The following NAV3 variants were observed in gnomAD, a reference collection of about 807,000 sequenced individuals.
NAV3 encodes neuron navigator 3.
Under a neutral mutation model 244.7 loss-of-function variants are expected in NAV3, and 87 were observed. That is an observed-to-expected ratio of 0.36 (90% CI 0.30 to 0.42). NAV3 has a LOEUF of 0.42. NAV3 is among the 20% of genes least tolerant of loss of function. The pLI is 1.00. For missense variants in NAV3, 2,663 were observed against 2,893.3 expected (o/e 0.92, Z 1.83); for synonymous variants, 1,126 against 1,042.2 (o/e 1.08, Z -1.55).
chr12:77,877,883 A>G (rs1359184053), intron 1 of NAV3, among the ~76,000 whole-genome samples: 3 of 152,162 alleles, frequency 2.0e-5, no homozygotes, highest in African/African-American at 4.8e-5. Flanking sequence ...CAAGATCAAT[A>G]TCATCATTTG....
intron 2 of NAV3, among the ~76,000 whole-genome samples, chr12:77,579,101 A>C (rs1203185291): frequency 6.6e-6 from 1 of 152,162 alleles, no homozygotes; most frequent in Non-Finnish European, 1.5e-5. Context: ...TATGTGTATG[A>C]ATGTCTCTAC....
intron 12 of NAV3, among the ~76,000 whole-genome samples, chr12:78,060,848 A>T (rs1402176536): frequency 6.6e-6 from 1 of 152,150 alleles, no homozygotes; most frequent in Non-Finnish European, 1.5e-5. Context: ...CATGGGAGGG[A>T]ATATCTGCTA....
At chr12:77,841,267 C>A (rs140967258) in intron 1 of NAV3, among the ~76,000 whole-genome samples, 9 of 152,102 alleles carry the variant, frequency 5.9e-5, no homozygotes, top group Non-Finnish European at 8.8e-5. Context: ...CCTCCATAAA[C>A]GAAAAGCAAA....
intron 2 of NAV3, among the ~76,000 whole-genome samples, chr12:77,635,480 T>C (rs550766318): frequency 1.3e-5 from 2 of 152,342 alleles, no homozygotes; most frequent in Admixed American, 1.3e-4. Flanking sequence ...CTGAAATCTT[T>C]ATATGTTTTT....
intron 2 of NAV3, among the ~76,000 whole-genome samples, chr12:77,687,867 T>C (rs554007539): frequency 1.3e-5 from 2 of 152,216 alleles, no homozygotes; most frequent in Non-Finnish European, 1.5e-5. Context: ...CATATAGGGA[T>C]TTTAACCTTT....
At chr12:78,051,837 T>C (rs1437824000) in intron 11 of NAV3, among the ~76,000 whole-genome samples, 2 of 152,244 alleles carry the variant, frequency 1.3e-5, no homozygotes, top group African/African-American at 4.8e-5. Flanking sequence ...GCATTTCCTG[T>C]TATGTACTAT....
At chr12:77,611,220 C>T (rs546379038) in intron 2 of NAV3, among the ~76,000 whole-genome samples, 1 of 152,044 alleles carries the variant, frequency 6.6e-6, no homozygotes, top group African/African-American at 2.4e-5. Context: ...GCAAAATCTC[C>T]ATCCTGACAA....
At chr12:77,889,442 A>G (rs1403861769) in intron 1 of NAV3, among the ~76,000 whole-genome samples, 1 of 152,110 alleles carries the variant, frequency 6.6e-6, no homozygotes, top group Non-Finnish European at 1.5e-5. Context: ...CTTCATAATT[A>G]GTTCTGTTTC....
intron 2 of NAV3, among the ~76,000 whole-genome samples, chr12:77,634,836 T>C (rs1205968518): frequency 1.3e-5 from 2 of 152,120 alleles, no homozygotes; most frequent in African/African-American, 2.4e-5. Flanking sequence ...AGGAAAACAA[T>C]GAGAAAATAT....
intron 2 of NAV3, among the ~76,000 whole-genome samples, chr12:77,616,730 GCA>G (rs147977960): frequency 0.029 from 4,310 of 147,436 alleles, 69 homozygotes; most frequent in African/African-American, 0.035. Context: ...ACACAGGCGC[GCA>G]CACACACACA....
chr12:77,610,256 C>A (rs1870851273), intron 2 of NAV3, among the ~76,000 whole-genome samples: 1 of 152,050 alleles, frequency 6.6e-6, no homozygotes, highest in Non-Finnish European at 1.5e-5. Flanking sequence ...TCTTAATTAA[C>A]CTCAAGTGCT....
At chr12:77,769,076 C>T (rs753466885) in intron 2 of NAV3, among the ~76,000 whole-genome samples, 1 of 152,048 alleles carries the variant, frequency 6.6e-6, no homozygotes, top group Admixed American at 6.5e-5. Flanking sequence ...TTTTTCATTG[C>T]CATTTTAAAA....
chr12:77,858,986 C>T (rs1043669659), intron 1 of NAV3, among the ~76,000 whole-genome samples: 6 of 152,060 alleles, frequency 3.9e-5, no homozygotes, highest in African/African-American at 1.4e-4. Flanking sequence ...TGTTGACTGA[C>T]TGGCATTGCA....
chr12:77,774,310 A>G (rs1014839078), intron 2 of NAV3, among the ~76,000 whole-genome samples: 4 of 152,186 alleles, frequency 2.6e-5, no homozygotes, highest in Non-Finnish European at 5.9e-5. Context: ...ATCCGCTTCC[A>G]TGAAGCAGTA....
At position 77,644,390 on chromosome 12, in the gene NAV3, A is replaced by G. The variant is rs116133480; in HGVS notation, c.72+72124A>G. On this transcript the variant is annotated intron_variant, in intron 2 of 8. Coordinates refer to the NAV3 transcript ENST00000550042. Reference sequence around the variant, plus strand: ...AGATTTTGTCTTCTGAAAAACCAATAAAGTTTTACATTATTCTTGGTAAAA... The same window carrying G: ...AGATTTTGTCTTCTGAAAAACCAATGAAGTTTTACATTATTCTTGGTAAAA... Among the ~76,000 whole-genome samples, 879 of 152,184 alleles carry G rather than the reference A, an allele frequency of 5.8e-3. 9 individuals are homozygous for G. Among genetic ancestry groups the G allele is most frequent in the African/African-American group, 0.02 (811 of 41,524 alleles).
chr12:78,139,096 A>ATT (rs34120234), intron 19 of NAV3, among the ~76,000 whole-genome samples: 28 of 151,782 alleles, frequency 1.8e-4, no homozygotes, highest in African/African-American at 5.8e-4. Context: ...GATAGAAAGA[A>ATT]TTTTTTTTTA....
intron 15 of NAV3, among the ~76,000 whole-genome samples, chr12:78,120,810 T>C (rs751572261): frequency 2.4e-4 from 37 of 152,254 alleles, no homozygotes; most frequent in Non-Finnish European, 4.4e-5. Flanking sequence ...ATATTTTTAA[T>C]GTTTGTTTTT....
intron 2 of NAV3, among the ~76,000 whole-genome samples, chr12:77,590,277 T>C (rs186459921): frequency 5.1e-4 from 78 of 152,262 alleles, no homozygotes; most frequent in African/African-American, 1.7e-3. Context: ...TGGACTAAGC[T>C]CCTGGCCTGC....
At chr12:78,085,947 T>C (rs1953611181) in intron 12 of NAV3, among the ~76,000 whole-genome samples, 1 of 152,100 alleles carries the variant, frequency 6.6e-6, no homozygotes. Flanking sequence ...TGTAAATTTG[T>C]CAGAGACAAT....
Sources: allele counts gnomAD v4.1 joint callset (sites outside exome capture counted in the v4.1 genomes callset), GRCh38; gene constraint gnomAD v4.1.1; transcripts MANE v1.5; gene names NCBI Gene and HGNC (gene_info 2026-07-23, HGNC 2026-07-21).